The following ASRGL1 variants were observed in gnomAD, a reference collection of about 807,000 sequenced individuals.
ASRGL1 encodes isoaspartyl peptidase/L-asparaginase.
Under a neutral mutation model 22.4 loss-of-function variants are expected in ASRGL1, and 16 were observed. The observed-to-expected ratio is 0.71, with a 90% CI of 0.48 to 1.08. The LOEUF is 1.08. Among genes scored for constraint, ASRGL1 ranks in the 50% least tolerant of loss-of-function variants. The probability of loss-of-function intolerance (pLI) is 0.00; values close to 1 mark genes in which losing one functional copy is unlikely to be tolerated. For missense variants in ASRGL1, 412 were observed against 410.1 expected (o/e 1.00, Z -0.04); for synonymous variants, 165 against 159.3 (o/e 1.04, Z -0.27).
chr11:62,338,234 A>C, intron 2 of ASRGL1, 67 bp downstream of exon 2: 1 of 1,395,442 alleles, frequency 7.2e-7, no homozygotes, highest in Non-Finnish European at 9.5e-7. Context: ...AATAAATAGA[A>C]CCTACATAGT....
At chr11:62,363,878 C>T (rs1433924240) in intron 4 of ASRGL1, among the ~76,000 whole-genome samples, 1 of 152,052 alleles carries the variant, frequency 6.6e-6, no homozygotes, top group Non-Finnish European at 1.5e-5. Context: ...ATCATCAGGC[C>T]GGGCTTAGTG....
downstream of ASRGL1, among the ~76,000 whole-genome samples, chr11:62,395,519 C>T (rs962085699): frequency 5.3e-5 from 8 of 152,026 alleles, no homozygotes; most frequent in Admixed American, 5.3e-4. Flanking sequence ...ACATTTTTCT[C>T]AAATAATATT....
chr11:62,391,528 G>C lies in ASRGL1; in HGVS notation c.617G>C (p.Gly206Ala). Residue 206 changes from glycine (G) to alanine (A), a missense_variant, in exon 6 of 7, where the codon GGA becomes GCA. By Grantham distance (60) the Gly-to-Ala change is moderately conservative (BLOSUM62 0). Transcript: ENST00000415229. ...AATCACCCTTTTTGAGCAGGAGCTG[G>C]AGGTTATGCCGACAATGACATCGGA... Reference protein sequence around the residue: ...RVGDSPCLGAGGYADNDIGAV... With the variant: ...RVGDSPCLGAAGYADNDIGAV... The C allele has an allele frequency of 6.2e-7, 1 of 1,610,950 alleles. No individual in the cohort carries two copies. Among genetic ancestry groups the C allele is most frequent in the Non-Finnish European group, 8.5e-7 (1 of 1,178,524 alleles).
Position 62,389,234 on chromosome 11 carries a change from G to A in ASRGL1, c.593G>A (p.Gly198Glu). The A allele has an allele frequency of 6.2e-7, 1 of 1,614,010 alleles. No individual in the cohort carries two copies. The highest frequency in any genetic ancestry group is 8.5e-7 in the Non-Finnish European group (1 of 1,179,938). ...GTTAATAAAATGGTCGGCCGCGTTG[G>A]GGACTCACCGTGTCTAGGTAGGACC... ...GIVNKMVGRV[G>E]DSPCLGAGGY... Residue 198 changes from glycine to glutamate, a missense_variant, in exon 5 of 7, where the codon GGG becomes GAG. Physicochemically the swap from Gly to Glu is moderately conservative, Grantham distance 98 (BLOSUM62 -2). Coordinates refer to ENST00000415229, the MANE Select transcript of ASRGL1 (RefSeq NM_001083926.2).
At chr11:62,362,282 C>T (rs186151873) in intron 4 of ASRGL1, among the ~76,000 whole-genome samples, 78 of 150,792 alleles carry the variant, frequency 5.2e-4, no homozygotes, top group African/African-American at 1.8e-3. Flanking sequence ...AGAATACCAA[C>T]GAAATGCTGT....
At chr11:62,386,485 T>TCATACATATCTTAG in intron 4 of ASRGL1, among the ~76,000 whole-genome samples, 1 of 142,076 alleles carries the variant, frequency 7.0e-6, no homozygotes, top group Admixed American at 7.0e-5. Flanking sequence ...TATGTACATA[T>TCATACATATCTTAG]ATATGTACAT....
intron 4 of ASRGL1, chr11:62,371,379 G>A (rs1946759307): frequency 6.0e-6 from 4 of 672,096 alleles, no homozygotes; most frequent in Admixed American, 6.5e-5. Flanking sequence ...TGGGCGGTGC[G>A]GCTGTGGTGG....
At chr11:62,364,091 G>A (rs1238678453) in intron 4 of ASRGL1, among the ~76,000 whole-genome samples, 3 of 149,462 alleles carry the variant, frequency 2.0e-5, no homozygotes, top group Non-Finnish European at 3.0e-5. Flanking sequence ...CCCAGGAGGC[G>A]GAGGTTGCAG....
intron 4 of ASRGL1, among the ~76,000 whole-genome samples, chr11:62,362,607 A>G (rs1453090795): frequency 5.6e-5 from 1 of 17,978 alleles, no homozygotes; most frequent in Non-Finnish European, 1.4e-4. Flanking sequence ...TATTATATAA[A>G]ATATATATTA....
At chr11:62,341,353 C>T (rs1260794744) in intron 2 of ASRGL1, among the ~76,000 whole-genome samples, 1 of 152,040 alleles carries the variant, frequency 6.6e-6, no homozygotes, top group Non-Finnish European at 1.5e-5. Flanking sequence ...CACCCACCAC[C>T]AGGACCAGCT....
chr11:62,342,090 T>C (rs1196403709), intron 2 of ASRGL1, among the ~76,000 whole-genome samples: 1 of 152,052 alleles, frequency 6.6e-6, no homozygotes, highest in Non-Finnish European at 1.5e-5. Context: ...TTTACCCTAC[T>C]GCTGTGTCCG....
At chr11:62,345,014 C>T (rs968357337) in intron 2 of ASRGL1, among the ~76,000 whole-genome samples, 1 of 152,166 alleles carries the variant, frequency 6.6e-6, no homozygotes, top group Admixed American at 6.5e-5. Flanking sequence ...CCATAATGAC[C>T]TCCAGTTCCA....
chr11:62,376,760 ACG>A (rs1946942882), intron 4 of ASRGL1, among the ~76,000 whole-genome samples: 1 of 151,984 alleles, frequency 6.6e-6, no homozygotes, highest in Non-Finnish European at 1.5e-5. Context: ...GTAATTTTCC[ACG>A]GATTTAAGAA....
Position 62,357,098 on chromosome 11 carries a change from G to C in ASRGL1, c.445G>C (p.Glu149Gln), listed in dbSNP as rs536882543. The part of the protein sequence containing the change: ...LVTERNKKRL[E>Q]KEKHEKGAQK... ...GACAGAGAGAAACAAAAAGCGCCTG[G>C]AAAAAGAGAAGCATGAAAAAGGTGC... The change falls in exon 4 of 7, where the codon GAA becomes CAA. Residue 149 changes from glutamate to glutamine, a missense_variant. Transcript: ENST00000415229. 4.3e-6 allele frequency: 7 copies of C among 1,613,942 alleles called. No individual in the cohort carries two copies. In the African/African-American group the frequency reaches 9.3e-5, roughly 22 times the overall value.
chr11:62,367,915 C>G (rs1946656493), intron 4 of ASRGL1, among the ~76,000 whole-genome samples: 1 of 152,174 alleles, frequency 6.6e-6, no homozygotes, highest in Non-Finnish European at 1.5e-5. Flanking sequence ...GCACTCCAGC[C>G]TGGGCAACAG....
chr11:62,371,117 TCCAA>T, intron 4 of ASRGL1: 2 of 859,340 alleles, frequency 2.3e-6, no homozygotes, highest in East Asian at 3.3e-5. Context: ...TTCTCATCAC[TCCAA>T]CCAGCCGCAA....
intron 2 of ASRGL1, among the ~76,000 whole-genome samples, chr11:62,355,657 T>G (rs1590717391): frequency 1.4e-5 from 2 of 140,328 alleles, no homozygotes; most frequent in Non-Finnish European, 3.1e-5. Context: ...CATTCTTGGG[T>G]GTTTCTCGCA....
chr11:62,397,411 A>G (rs1329068863), downstream of ASRGL1, among the ~76,000 whole-genome samples: 2 of 151,842 alleles, frequency 1.3e-5, no homozygotes, highest in South Asian at 2.1e-4. Flanking sequence ...CATGCTTGTA[A>G]TCCCAGCACT....
intron 4 of ASRGL1, among the ~76,000 whole-genome samples, chr11:62,383,798 C>A (rs908560039): frequency 6.6e-6 from 1 of 150,522 alleles, no homozygotes; most frequent in African/African-American, 2.5e-5. Flanking sequence ...GCAGTGTGCA[C>A]CTGTAGTCCC....
Sources: allele counts gnomAD v4.1 joint callset (sites outside exome capture counted in the v4.1 genomes callset), GRCh38; gene constraint gnomAD v4.1.1; transcripts MANE v1.5; gene names NCBI Gene and HGNC (gene_info 2026-07-23, HGNC 2026-07-21).